The following PTBP1 variants were observed in gnomAD, a reference collection of about 807,000 sequenced individuals.
PTBP1 encodes the protein polypyrimidine tract-binding protein 1.
A neutral mutation model predicts 59.8 loss-of-function variants in PTBP1; 8 were observed. The ratio of observed to expected loss-of-function variants is 0.13; its 90% CI spans 0.08 to 0.24. The LOEUF is 0.24. PTBP1 is among the 10% of genes least tolerant of loss of function. The probability of loss-of-function intolerance (pLI) is 1.00; values close to 1 mark genes in which losing one functional copy is unlikely to be tolerated. For synonymous variants in PTBP1, 490 were observed against 320.7 expected (o/e 1.53, Z -5.64); for missense variants, 686 against 767.0 (o/e 0.89, Z 1.25).
chr19:806,503 G>T lies in PTBP1; in HGVS notation c.1066G>T (p.Gly356Cys). 6.4e-7 allele frequency: 1 copy of T among 1,573,300 alleles called. No homozygotes were observed. Among genetic ancestry groups the T allele is most frequent in the South Asian group, 1.1e-5 (1 of 87,152 alleles). The change falls in exon 10 of 15, where the codon GGC (glycine) becomes TGC (cysteine). Residue 356 changes from glycine (G) to cysteine (C), a missense_variant. Coordinates refer to ENST00000356948, the MANE Select transcript of PTBP1 (RefSeq NM_002819.5). ...GGCGGCAGGTCGGATCGCCATCCCG[G>T]GCCTGGCGGGGGCAGGAAATTCTGT... is the stretch of plus-strand genomic sequence containing the variant. ...AAAAGRIAIPGLAGAGNSVLL... is the reference protein window; with the variant it reads ...AAAAGRIAIPCLAGAGNSVLL...
At position 807,485 on chromosome 19, in the gene PTBP1, A is replaced by T. The variant is rs549670913; in HGVS notation, c.1120-384A>T. ...CTGGAATGTGTGTGGAGTGTGACTG[A>T]TAGAACACTACCTGATTCTTATGTA... On this transcript the variant is annotated intron_variant, in intron 10 of 14. Coordinates refer to ENST00000356948, the MANE Select transcript of PTBP1 (RefSeq NM_002819.5). 2.0e-4 allele frequency: 46 copies of T among 231,606 alleles called. 1 individual carries two copies. In the South Asian group the frequency reaches 3.4e-3, roughly 17 times the overall value. 14.3% of individuals were successfully genotyped at this position (231,606 alleles called of 1,614,324 possible). A position where few individuals can be genotyped will look rare whatever the true frequency, so the allele number is the denominator to read the frequency against.
chr19:799,468 C>T lies in PTBP1; in HGVS notation c.39+25C>T, dbSNP rs150744403. Reference sequence around the variant, plus strand: ...GGTAGGCACTTCTCACTTTGCTTCTCCGTGACGCTCCTCTGACCTTGTGCC... The same window carrying T: ...GGTAGGCACTTCTCACTTTGCTTCTTCGTGACGCTCCTCTGACCTTGTGCC... On this transcript the variant is annotated intron_variant, in intron 2 of 14. Transcript: ENST00000356948. The T allele has an allele frequency of 3.5e-4, 570 of 1,612,492 alleles. 1 individual carries two copies. In the African/African-American group the frequency reaches 5.6e-3, roughly 16 times the overall value.
At chr19:810,277 G>A (rs1456593247) in intron 13 of PTBP1, among the ~76,000 whole-genome samples, 2 of 152,214 alleles carry the variant, frequency 1.3e-5, no homozygotes, top group South Asian at 4.1e-4. Flanking sequence ...CTGTGCTCCC[G>A]CCTGGGCGAC....
intron 8 of PTBP1, 62 bp from the exon 9 acceptor site, chr19:805,430 G>A (rs1174319237): frequency 4.0e-6 from 6 of 1,506,886 alleles, no homozygotes; most frequent in Non-Finnish European, 3.7e-6. Flanking sequence ...CCATCCCGCA[G>A]CACAGCGCCC....
chr19:798,170 G>T (rs758357455), intron 1 of PTBP1, among the ~76,000 whole-genome samples: 54 of 152,120 alleles, frequency 3.5e-4, no homozygotes, highest in Admixed American at 1.4e-3. Context: ...GCCGCCCCGA[G>T]GGTCTGTCCT....
chr19:801,620 C>A (rs554604484), intron 2 of PTBP1, among the ~76,000 whole-genome samples: 1 of 152,244 alleles, frequency 6.6e-6, no homozygotes, highest in African/African-American at 2.4e-5. Flanking sequence ...GCCCTGGTGT[C>A]CTGGACGGGG....
Position 805,141 on chromosome 19 carries a change from C to A in PTBP1, c.846C>A (p.Ser282=), listed in dbSNP as rs564873115. The A allele has an allele frequency of 3.7e-6, 6 of 1,613,630 alleles. No individual in the cohort carries two copies. In the South Asian group the frequency reaches 5.5e-5, roughly 15 times the overall value. The change falls in exon 8 of 15, where the codon TCC becomes TCA. Residue 282 remains serine (S), a synonymous_variant. Coordinates refer to ENST00000356948, the MANE Select transcript of PTBP1 (RefSeq NM_002819.5). The part of the protein sequence containing the change: ...SRDYTRPDLP[S]GDSQPSLDQT... ...ACTACACACGCCCAGACCTGCCTTC[C>A]GGGGACAGCCAGCCCTCGCTGGACC...
chr19:799,237 G>A (rs1286975967), intron 1 of PTBP1, 176 bp from the exon 2 acceptor site: 5 of 729,506 alleles, frequency 6.9e-6, no homozygotes, highest in African/African-American at 5.2e-5. Context: ...TCAAGTGGAC[G>A]GCTCACTTCC....
In PTBP1 at chr19:799,228, C is replaced by T. The variant is rs112622142; in HGVS notation, c.9-185C>T. 4.4e-3 allele frequency: 3,153 copies of T among 709,030 alleles called. 74 individuals carry two copies. In the African/African-American group the frequency reaches 0.048, roughly 11 times the overall value. The allele number at this position is 709,030 out of a possible 1,614,324, so 43.9% of individuals were successfully genotyped here. Reference sequence around the variant, plus strand: ...TGGTGGCCCCTTTTCAAGTTGCAGTCAAGTGGACGGCTCACTTCCCTGCCC... The same window carrying T: ...TGGTGGCCCCTTTTCAAGTTGCAGTTAAGTGGACGGCTCACTTCCCTGCCC... On this transcript the variant is annotated intron_variant, in intron 1 of 14. Transcript: ENST00000356948.
In PTBP1 at chr19:805,522, A is replaced by T. The variant is rs1481339928; in HGVS notation, c.923A>T (p.Tyr308Phe). Reference protein sequence around the residue: ...GAPGIISASPYAGAGFPPTFA... With the variant: ...GAPGIISASPFAGAGFPPTFA... The stretch of plus-strand genomic sequence containing the variant: ...CCTGGTATAATCTCAGCCTCTCCGT[A>T]TGCAGGAGCTGGTTTCCCTCCCACC... Residue 308 changes from tyrosine to phenylalanine, a missense_variant, in exon 9 of 15, where the codon TAT becomes TTT. Physicochemically the swap from Tyr to Phe is conservative, Grantham distance 22. Coordinates refer to ENST00000356948, the MANE Select transcript of PTBP1 (RefSeq NM_002819.5). 6.2e-7 allele frequency: 1 copy of T among 1,613,880 alleles called. No individual in the cohort carries two copies. The highest frequency in any genetic ancestry group is 1.1e-5 in the South Asian group (1 of 91,090).
intron 1 of PTBP1, 119 bp from the exon 2 acceptor site, chr19:799,294 A>G: frequency 1.1e-6 from 1 of 893,658 alleles, no homozygotes; most frequent in Admixed American, 1.7e-5. Flanking sequence ...AGCCAGAGGG[A>G]GCCCTGCGGA....
intron 1 of PTBP1, among the ~76,000 whole-genome samples, chr19:798,794 A>G (rs1033858209): frequency 4.6e-5 from 7 of 152,064 alleles, no homozygotes; most frequent in African/African-American, 1.7e-4. Context: ...CTTTCTATCC[A>G]CCTTCCCCCC....
chr19:803,617 C>T lies in PTBP1; in HGVS notation c.96C>T (p.Ser32=), dbSNP rs780230710. ...TCVTNGPFIM[S]SNSASAANGN... is the part of the protein sequence containing the mutation. ...TCACTAACGGACCGTTTATCATGAG[C>T]AGCAACTCGGCTTCTGCAGGTAAGG... is the stretch of plus-strand genomic sequence containing the variant. Residue 32 remains serine (S), a synonymous_variant, in exon 3 of 15, where the codon AGC becomes AGT. Coordinates refer to ENST00000356948, the MANE Select transcript of PTBP1 (RefSeq NM_002819.5). 8.7e-6 allele frequency: 14 copies of T among 1,614,160 alleles called. No homozygotes were observed. Among genetic ancestry groups the T allele is most frequent in the East Asian group, 2.2e-5 (1 of 44,886 alleles).
At position 799,568 on chromosome 19, in the gene PTBP1, T is replaced by C. The variant is rs142107622; in HGVS notation, c.39+125T>C. 9.8e-4 allele frequency: 930 copies of C among 952,666 alleles called. 5 individuals carry two copies. The highest frequency in any genetic ancestry group is 7.3e-3 in the East Asian group (306 of 41,716). The allele number at this position is 952,666 out of a possible 1,614,324, so 59.0% of individuals were successfully genotyped here. On this transcript the variant is annotated intron_variant, in intron 2 of 14. Transcript: ENST00000356948. ...TTCCATTCCTAAGGGGCACTACCCTTGGTCTGGAATCTGGAGTTGGGCGGT... is the reference window on the plus strand; with the variant it reads ...TTCCATTCCTAAGGGGCACTACCCTCGGTCTGGAATCTGGAGTTGGGCGGT...
At chr19:800,662 CT>C (rs994066471) in intron 2 of PTBP1, among the ~76,000 whole-genome samples, 6 of 152,226 alleles carry the variant, frequency 3.9e-5, no homozygotes, top group African/African-American at 7.2e-5. Flanking sequence ...TCTTTACGCG[CT>C]GCCTGCCCCG....
chr19:797,528 C>G, intron 1 of PTBP1, 23 bp downstream of exon 1: 2 of 1,494,446 alleles, frequency 1.3e-6, no homozygotes, highest in East Asian at 5.7e-5. Flanking sequence ...TCGCCCCGCG[C>G]CCCACCGCCC....
chr19:799,454 C>A lies in PTBP1; in HGVS notation c.39+11C>A, dbSNP rs372949190. 3 of 1,613,456 alleles carry A rather than the reference C, an allele frequency of 1.9e-6. No individual in the cohort carries two copies. The highest frequency in any genetic ancestry group is 2.5e-6 in the Non-Finnish European group (3 of 1,179,622). On this transcript the variant is annotated intron_variant, in intron 2 of 14. Coordinates refer to ENST00000356948, the MANE Select transcript of PTBP1 (RefSeq NM_002819.5). ...GCCGTTGGTACAAAGGTAGGCACTT[C>A]TCACTTTGCTTCTCCGTGACGCTCC... is the stretch of plus-strand genomic sequence containing the variant.
intron 2 of PTBP1, among the ~76,000 whole-genome samples, chr19:800,991 G>A (rs897347398): frequency 7.2e-5 from 11 of 152,100 alleles, no homozygotes; most frequent in African/African-American, 2.7e-4. Flanking sequence ...GGACGGGGTA[G>A]TACCCTGACC....
At chr19:799,308 G>A (rs761185601) in intron 1 of PTBP1, 105 bp from the exon 2 acceptor site, 3 of 1,008,682 alleles carry the variant, frequency 3.0e-6, no homozygotes, top group Admixed American at 1.7e-5. Flanking sequence ...CTGCGGAGGT[G>A]GCAGCTGCAG....
Sources: gnomAD v4.1 joint callset for allele counts (sites outside exome capture counted in the v4.1 genomes callset) on GRCh38, gnomAD v4.1.1 for gene constraint, MANE v1.5 for transcripts, NCBI Gene and HGNC (gene_info 2026-07-23, HGNC 2026-07-21) for gene names.